KCNH8: variants seen among roughly 807,000 people sequenced by gnomAD.
The protein encoded by KCNH8 is potassium voltage-gated channel subfamily H member 8.
In KCNH8, 70 loss-of-function variants were observed where a neutral mutation model predicts 103.6. The ratio of observed to expected loss-of-function variants is 0.68; its 90% CI spans 0.56 to 0.82. The LOEUF (loss-of-function observed/expected upper bound fraction) is 0.82. KCNH8 is among the 40% of genes least tolerant of loss of function. The pLI is 0.00. For missense variants in KCNH8, 1,217 were observed against 1,329.9 expected (o/e 0.92, Z 1.32); for synonymous variants, 498 against 489.4 (o/e 1.02, Z -0.23).
chr3:19,380,337 T>C (rs1407472466), intron 5 of KCNH8, among the ~76,000 whole-genome samples: 1 of 152,208 alleles, frequency 6.6e-6, no homozygotes, highest in Non-Finnish European at 1.5e-5. Flanking sequence ...CTTTTGATAG[T>C]GTATATTTCC....
At chr3:19,149,411 C>A (rs955707593) in intron 1 of KCNH8, among the ~76,000 whole-genome samples, 3 of 150,976 alleles carry the variant, frequency 2.0e-5, no homozygotes, top group African/African-American at 7.3e-5. Context: ...GGAAGAAGGA[C>A]ATGAATAAAG....
intron 8 of KCNH8, among the ~76,000 whole-genome samples, chr3:19,443,735 A>G (rs2067317540): frequency 6.6e-6 from 1 of 152,012 alleles, no homozygotes; most frequent in African/African-American, 2.4e-5. Flanking sequence ...CACAAGATCA[A>G]TATGCAAAAA....
At chr3:19,390,195 GA>G (rs1202126794) in intron 5 of KCNH8, among the ~76,000 whole-genome samples, 10 of 151,996 alleles carry the variant, frequency 6.6e-5, no homozygotes, top group African/African-American at 2.2e-4. Context: ...TTCATGTCTG[GA>G]ACATTATGTG....
At chr3:19,187,147 C>A (rs2125206882) in intron 1 of KCNH8, among the ~76,000 whole-genome samples, 1 of 151,778 alleles carries the variant, frequency 6.6e-6, no homozygotes, top group South Asian at 2.1e-4. Flanking sequence ...CTGCTGTGAA[C>A]CATACAAAAA....
chr3:19,347,221 A>G (rs559747289), intron 4 of KCNH8, among the ~76,000 whole-genome samples: 3 of 152,238 alleles, frequency 2.0e-5, no homozygotes, highest in African/African-American at 7.2e-5. Context: ...AAAGAAATGT[A>G]AACTGTTTAC....
intron 3 of KCNH8, among the ~76,000 whole-genome samples, chr3:19,300,476 T>TG (rs1308176583): frequency 1.3e-5 from 2 of 152,288 alleles, no homozygotes; most frequent in Admixed American, 6.5e-5. Context: ...TATAACTCAG[T>TG]GGGGCATATA....
At chr3:19,426,804 A>G (rs2067035461) in intron 7 of KCNH8, among the ~76,000 whole-genome samples, 1 of 152,122 alleles carries the variant, frequency 6.6e-6, no homozygotes, top group Non-Finnish European at 1.5e-5. Context: ...TGAATCAAAA[A>G]TATCATTGTT....
chr3:19,282,153 G>A (rs1250907506), intron 3 of KCNH8, among the ~76,000 whole-genome samples: 2 of 152,000 alleles, frequency 1.3e-5, no homozygotes, highest in Admixed American at 6.6e-5. Flanking sequence ...TTTTTAAAAT[G>A]TGTGTGATTG....
chr3:19,302,348 A>C (rs2065073732), intron 3 of KCNH8, among the ~76,000 whole-genome samples: 1 of 152,196 alleles, frequency 6.6e-6, no homozygotes, highest in African/African-American at 2.4e-5. Context: ...AGGAAGACCA[A>C]ATATATATTT....
intron 5 of KCNH8, among the ~76,000 whole-genome samples, chr3:19,380,311 G>A (rs558239138): frequency 2.0e-5 from 3 of 152,192 alleles, no homozygotes; most frequent in South Asian, 4.2e-4. Flanking sequence ...GGAGATTCTG[G>A]CTCTAATTGG....
chr3:19,451,358 G>C lies in KCNH8; in HGVS notation c.1779G>C (p.Ser593=). The C allele has an allele frequency of 9.3e-6, 15 of 1,613,626 alleles. No homozygotes were observed. Among genetic ancestry groups the C allele is most frequent in the Non-Finnish European group, 1.2e-5 (14 of 1,179,738 alleles). Residue 593 remains serine, a synonymous_variant, in exon 10 of 16, where the codon TCG becomes TCC. Coordinates refer to ENST00000328405, the MANE Select transcript of KCNH8 (RefSeq NM_144633.3). ...TGCAGGCCATCTACTTTGTATGCTC[G>C]GGCTCCATGGAAGTTCTTAAAGACA... The part of the protein sequence containing the change: ...DALQAIYFVC[S]GSMEVLKDSM...
intron 1 of KCNH8, among the ~76,000 whole-genome samples, chr3:19,231,834 G>C (rs2063998167): frequency 6.6e-6 from 1 of 152,194 alleles, no homozygotes; most frequent in South Asian, 2.1e-4. Context: ...TTCATCAAAG[G>C]AGCTTGTCTT....
intron 11 of KCNH8, among the ~76,000 whole-genome samples, chr3:19,500,267 A>G (rs2068548969): frequency 1.3e-5 from 2 of 152,220 alleles, no homozygotes; most frequent in Admixed American, 1.3e-4. Context: ...CCAATACAAG[A>G]GCACCCAGAA....
chr3:19,170,715 C>T (rs201889344), intron 1 of KCNH8, among the ~76,000 whole-genome samples: 1 of 107,214 alleles, frequency 9.3e-6, no homozygotes, highest in African/African-American at 3.3e-5. Context: ...CACATATATA[C>T]ACACACATAT....
intron 3 of KCNH8, among the ~76,000 whole-genome samples, chr3:19,293,925 C>A (rs2064962836): frequency 6.6e-6 from 1 of 152,108 alleles, no homozygotes; most frequent in South Asian, 2.1e-4. Context: ...AGATAGATAA[C>A]CACATAGCAT....
intron 1 of KCNH8, among the ~76,000 whole-genome samples, chr3:19,187,879 C>T (rs2063517281): frequency 6.6e-6 from 1 of 151,950 alleles, no homozygotes; most frequent in Non-Finnish European, 1.5e-5. Flanking sequence ...GGTAAAATTT[C>T]ATGAATTGGG....
At chr3:19,318,095 A>G (rs1469754101) in intron 3 of KCNH8, among the ~76,000 whole-genome samples, 1 of 151,910 alleles carries the variant, frequency 6.6e-6, no homozygotes, top group Non-Finnish European at 1.5e-5. Flanking sequence ...TCAACCCCCA[A>G]GCTTCTTAAG....
At chr3:19,518,140 G>GAAGCAGTGT in intron 15 of KCNH8, 66 bp downstream of exon 15, 1 of 1,283,546 alleles carries the variant, frequency 7.8e-7, no homozygotes, top group Non-Finnish European at 1.1e-6. Flanking sequence ...GTTACTCGCA[G>GAAGCAGTGT]AAGCAGTGTA....
At chr3:19,430,893 A>G (rs1036182831) in intron 7 of KCNH8, among the ~76,000 whole-genome samples, 32 of 152,276 alleles carry the variant, frequency 2.1e-4, no homozygotes, top group South Asian at 4.2e-4. Flanking sequence ...GCCTGAGACA[A>G]TGGGGTTTTC....
Sources: allele counts gnomAD v4.1 joint callset (sites outside exome capture counted in the v4.1 genomes callset), GRCh38; gene constraint gnomAD v4.1.1; transcripts MANE v1.5; gene names NCBI Gene and HGNC (gene_info 2026-07-23, HGNC 2026-07-21).